The following ST8SIA2 variants were observed in gnomAD, a reference collection of about 807,000 sequenced individuals.
ST8SIA2 encodes the protein alpha-2,8-sialyltransferase 8B.
Under a neutral mutation model 37.6 loss-of-function variants are expected in ST8SIA2, and 22 were observed. That is an observed-to-expected ratio of 0.58 (90% CI 0.42 to 0.83). ST8SIA2 has a LOEUF of 0.83. Among genes scored for constraint, ST8SIA2 ranks in the 40% least tolerant of loss-of-function variants. The pLI is 0.00. For missense variants in ST8SIA2, 382 were observed against 484.7 expected, an observed-to-expected ratio of 0.79 and a Z score of 1.99; for synonymous variants, 205 against 201.2, an observed-to-expected ratio of 1.02 and a Z score of -0.16.
intron 5 of ST8SIA2, among the ~76,000 whole-genome samples, chr15:92,461,078 A>C (rs1291116983): frequency 6.6e-6 from 1 of 152,212 alleles, no homozygotes; most frequent in Non-Finnish European, 1.5e-5. Flanking sequence ...CGAGACATTT[A>C]GCCCAGAGCT....
At chr15:92,435,545 C>T (rs145948417) in intron 3 of ST8SIA2, among the ~76,000 whole-genome samples, 1 of 152,250 alleles carries the variant, frequency 6.6e-6, no homozygotes, top group Non-Finnish European at 1.5e-5. Context: ...AATGTCACCA[C>T]GCAGAGCAGG....
intron 5 of ST8SIA2, among the ~76,000 whole-genome samples, chr15:92,458,278 G>T (rs1167642713): frequency 6.6e-6 from 1 of 152,172 alleles, no homozygotes; most frequent in African/African-American, 2.4e-5. Flanking sequence ...AGTTCTCCAA[G>T]GCAGGGGAAG....
intron 2 of ST8SIA2, 23 bp from the exon 3 acceptor site, chr15:92,434,224 C>T: frequency 6.2e-7 from 1 of 1,613,734 alleles, no homozygotes; most frequent in Non-Finnish European, 8.5e-7. Context: ...TGTCTACCCT[C>T]TTTCTTTTTT....
At chr15:92,426,450 G>C (rs1371419047) in intron 1 of ST8SIA2, among the ~76,000 whole-genome samples, 1 of 152,144 alleles carries the variant, frequency 6.6e-6, no homozygotes. Flanking sequence ...AATATCGAGT[G>C]CCGAGGTTGA....
chr15:92,436,002 G>T (rs914050449), intron 3 of ST8SIA2, among the ~76,000 whole-genome samples: 1 of 152,024 alleles, frequency 6.6e-6, no homozygotes, highest in Non-Finnish European at 1.5e-5. Flanking sequence ...TCTGGTGGCC[G>T]CAGAACTCCA....
At chr15:92,419,489 G>T (rs1245778415) in intron 1 of ST8SIA2, among the ~76,000 whole-genome samples, 1 of 152,200 alleles carries the variant, frequency 6.6e-6, no homozygotes, top group Non-Finnish European at 1.5e-5. Context: ...GCAACGCAGA[G>T]ATGAGCAGGA....
chr15:92,465,442 C>T lies in ST8SIA2; in HGVS notation c.*1057C>T, dbSNP rs1452943004. 3 of 152,124 alleles carry T rather than the reference C, an allele frequency of 2.0e-5. No homozygotes were observed. The highest frequency in any genetic ancestry group is 2.9e-5 in the Non-Finnish European group (2 of 68,006). 9.4% of individuals were successfully genotyped at this position (152,124 alleles called of 1,614,324 possible). On this transcript the variant is annotated 3_prime_UTR_variant, in exon 6 of 6. Coordinates refer to ENST00000268164, the MANE Select transcript of ST8SIA2 (RefSeq NM_006011.4). ...ATACATATGATTGCCTTTTTGGGTG[C>T]CTCACAGAGCCCCAGAGTGTGAGAC...
intron 1 of ST8SIA2, chr15:92,417,641 C>G (rs993463197): frequency 6.6e-6 from 1 of 152,186 alleles, no homozygotes; most frequent in Non-Finnish European, 1.5e-5. Flanking sequence ...GTTTTCAGGG[C>G]TGCCAACCTC....
intron 2 of ST8SIA2, among the ~76,000 whole-genome samples, chr15:92,432,629 G>T (rs2049723986): frequency 6.6e-6 from 1 of 152,176 alleles, no homozygotes; most frequent in Non-Finnish European, 1.5e-5. Flanking sequence ...CCTCTCGGAA[G>T]CTCCCTTAAG....
intron 1 of ST8SIA2, among the ~76,000 whole-genome samples, chr15:92,426,889 G>A (rs1567216008): frequency 6.6e-6 from 1 of 152,106 alleles, no homozygotes; most frequent in Non-Finnish European, 1.5e-5. Flanking sequence ...AGGGGGTCAG[G>A]AGTTGATCAA....
At chr15:92,406,980 A>G (rs1459501071) in intron 1 of ST8SIA2, among the ~76,000 whole-genome samples, 3 of 150,128 alleles carry the variant, frequency 2.0e-5, no homozygotes, top group African/African-American at 7.4e-5. Flanking sequence ...GGCATCAAGA[A>G]TGAAACCCTG....
chr15:92,433,314 G>A (rs1296356032), intron 2 of ST8SIA2, among the ~76,000 whole-genome samples: 6 of 152,200 alleles, frequency 3.9e-5, no homozygotes, highest in Non-Finnish European at 1.5e-5. Context: ...AGAATCTGCT[G>A]TCAGCACAGA....
At chr15:92,445,130 C>G in intron 5 of ST8SIA2, 2 of 706,212 alleles carry the variant, frequency 2.8e-6, no homozygotes, top group Non-Finnish European at 4.8e-6. Flanking sequence ...TCTGGCATGC[C>G]AATTTTGACC....
chr15:92,437,737 G>A (rs17521740), intron 3 of ST8SIA2, among the ~76,000 whole-genome samples: 72,261 of 151,944 alleles, frequency 0.48, 17,558 homozygotes, highest in East Asian at 0.68. Flanking sequence ...ACCTTCCGTG[G>A]AAGAAAATGG....
chr15:92,395,279 C>A (rs1054057289), intron 1 of ST8SIA2, among the ~76,000 whole-genome samples: 1 of 152,234 alleles, frequency 6.6e-6, no homozygotes, highest in African/African-American at 2.4e-5. Context: ...TCTCGAGTCC[C>A]GCGCCGCGTG....
At chr15:92,429,129 A>G (rs965407394) in intron 1 of ST8SIA2, among the ~76,000 whole-genome samples, 3 of 152,214 alleles carry the variant, frequency 2.0e-5, no homozygotes, top group Admixed American at 2.0e-4. Flanking sequence ...GAGTCTGCCA[A>G]CACCTTGACT....
chr15:92,451,326 A>G (rs1175200632), intron 5 of ST8SIA2, among the ~76,000 whole-genome samples: 1 of 152,134 alleles, frequency 6.6e-6, no homozygotes, highest in African/African-American at 2.4e-5. Flanking sequence ...GCAGGCAGCA[A>G]CGCATCAAGG....
Position 92,426,435 on chromosome 15 carries a change from A to T in ST8SIA2, c.99-3614A>T, listed in dbSNP as rs72766148. Among the ~76,000 whole-genome samples, 828 of 152,290 alleles carry T rather than the reference A, an allele frequency of 5.4e-3. 3 individuals are homozygous for T. Among genetic ancestry groups the T allele is most frequent in the Non-Finnish European group, 8.6e-3 (587 of 68,024 alleles). The stretch of plus-strand genomic sequence containing the variant: ...AGTTCACCGGCAAAGAAATATCTCC[A>T]CCAAAATATCGAGTGCCGAGGTTGA... On this transcript the variant is annotated intron_variant, in intron 1 of 5. Transcript: ENST00000268164.
At chr15:92,435,957 C>G (rs1023830265) in intron 3 of ST8SIA2, among the ~76,000 whole-genome samples, 10 of 152,268 alleles carry the variant, frequency 6.6e-5, no homozygotes, top group African/African-American at 1.7e-4. Flanking sequence ...CTTGCAGGCT[C>G]CAAGGGAGAA....
Sources: allele counts gnomAD v4.1 joint callset (sites outside exome capture counted in the v4.1 genomes callset), GRCh38; gene constraint gnomAD v4.1.1; transcripts MANE v1.5; gene names NCBI Gene and HGNC (gene_info 2026-07-23, HGNC 2026-07-21).